Variants in KIF13A observed in about 807,000 individuals in gnomAD.
The protein encoded by KIF13A is kinesin-like protein KIF13A.
In KIF13A, 79 loss-of-function variants were observed where a neutral mutation model predicts 212.2. That is an observed-to-expected ratio of 0.37 (90% CI 0.31 to 0.45). The LOEUF (loss-of-function observed/expected upper bound fraction) is 0.45, where lower values mean the gene tolerates loss of function less well. Among genes scored for constraint, KIF13A ranks in the 20% least tolerant of loss-of-function variants. The pLI, the probability that KIF13A is intolerant of heterozygous loss-of-function variation, is 1.00. For synonymous variants in KIF13A, 789 were observed against 808.6 expected (o/e 0.98, Z 0.41); for missense variants, 1,901 against 2,209.0 (o/e 0.86, Z 2.79).
In KIF13A at chr6:17,956,430, C is replaced by T. The variant is rs149339383; in HGVS notation, c.146+30624G>A. The stretch of plus-strand genomic sequence containing the variant: ...GTCCTCCCTGATTAGCAGTCTTGTC[C>T]ATCATCTACTTTGTGCCTAGCACTG... On this transcript the variant is annotated intron_variant, in intron 2 of 38. Coordinates refer to ENST00000259711, the MANE Select transcript of KIF13A (RefSeq NM_022113.6). Among the ~76,000 whole-genome samples the T allele has an allele frequency of 2.6e-5, 4 of 152,308 alleles. No homozygotes were observed. The East Asian group carries it at 7.7e-4, about 29-fold the overall frequency.
Position 17,834,731 on chromosome 6 carries a change from AAAGT to A in KIF13A, c.1156-664_1156-661del, listed in dbSNP as rs1476430974. 2.0e-5 allele frequency among the ~76,000 whole-genome samples: 3 copies of A among 152,320 alleles called. No individual in the cohort carries two copies. In the East Asian group the frequency reaches 5.8e-4, roughly 29 times the overall value. ...TGTCAATAATATGCTTTGACACCTT[AAAGT>A]AACATGAGCCTCTACAAAGTTAAAA... is the stretch of plus-strand genomic sequence containing the variant. On this transcript the variant is annotated intron_variant, in intron 11 of 38. Coordinates refer to ENST00000259711, the MANE Select transcript of KIF13A (RefSeq NM_022113.6). This position sits in a 1 kb window ranked among gnomAD's most constrained non-coding sequence, Gnocchi z 4.0.
intron 38 of KIF13A, among the ~76,000 whole-genome samples, chr6:17,767,996 G>C (rs1759162965): frequency 6.6e-6 from 1 of 152,128 alleles, no homozygotes; most frequent in Non-Finnish European, 1.5e-5. Flanking sequence ...AGCCCAGAGG[G>C]AAAGACTAAA....
At chr6:17,870,759 C>G (rs1480641673) in intron 4 of KIF13A, among the ~76,000 whole-genome samples, 1 of 150,900 alleles carries the variant, frequency 6.6e-6, no homozygotes, top group Non-Finnish European at 1.5e-5. Context: ...TTAATCTTAA[C>G]TTTGCAGCTG....
chr6:17,834,278 T>C lies in KIF13A; in HGVS notation c.1156-207A>G, dbSNP rs901944189. Among the ~76,000 whole-genome samples the C allele has an allele frequency of 2.6e-5, 4 of 152,238 alleles. No homozygotes were observed. Among genetic ancestry groups the C allele is most frequent in the African/African-American group, 9.6e-5 (4 of 41,470 alleles). ...CCCTGAAAAAGAAATACCAGTGTCC[T>C]GAATGAAAATGAAACAAATCATTAG... is the stretch of plus-strand genomic sequence containing the variant. On this transcript the variant is annotated intron_variant, in intron 11 of 38. Coordinates refer to ENST00000259711, the MANE Select transcript of KIF13A (RefSeq NM_022113.6). The surrounding 1 kb of genome is among the most constrained non-coding windows in gnomAD (Gnocchi z 4.0).
rs1016206838 is a variant in KIF13A at position 17,898,747 on chromosome 6, C to T, written c.147-567G>A. 3.9e-5 allele frequency among the ~76,000 whole-genome samples: 6 copies of T among 152,122 alleles called. No homozygotes were observed. The highest frequency in any genetic ancestry group is 4.1e-4 in the South Asian group (2 of 4,824). Reference sequence around the variant, plus strand: ...TTTTTTCCCCACCATCAGCCACACACGCACTTGTTAAAACGTTTGTTTTAC... The same window carrying T: ...TTTTTTCCCCACCATCAGCCACACATGCACTTGTTAAAACGTTTGTTTTAC... On this transcript the variant is annotated intron_variant, in intron 2 of 38. Transcript: ENST00000259711. The surrounding 1 kb of genome is among the most constrained non-coding windows in gnomAD (Gnocchi z 5.2).
intron 2 of KIF13A, among the ~76,000 whole-genome samples, chr6:17,905,138 AT>A (rs1052032806): frequency 3.2e-4 from 48 of 152,254 alleles, no homozygotes; most frequent in Non-Finnish European, 6.0e-4. Flanking sequence ...TTTAAAAAAA[AT>A]TTTTTTAAGC....
At chr6:17,824,777 A>C (rs1309186195) in intron 16 of KIF13A, among the ~76,000 whole-genome samples, 3 of 147,846 alleles carry the variant, frequency 2.0e-5, no homozygotes, top group East Asian at 2.0e-4. Flanking sequence ...AAAAAAAAAA[A>C]AAACAAAACA....
At chr6:17,960,376 T>C (rs538630484) in intron 2 of KIF13A, among the ~76,000 whole-genome samples, 54 of 152,288 alleles carry the variant, frequency 3.5e-4, no homozygotes, top group African/African-American at 1.2e-3. Context: ...ACTTAACAAA[T>C]GAATTATAAC....
At chr6:17,824,735 T>G (rs1295815410) in intron 16 of KIF13A, among the ~76,000 whole-genome samples, 1 of 121,556 alleles carries the variant, frequency 8.2e-6, no homozygotes, top group Non-Finnish European at 1.6e-5. Context: ...CACTCCAGCC[T>G]GGGCGACAGA....
intron 12 of KIF13A, among the ~76,000 whole-genome samples, chr6:17,833,643 G>A (rs1478920162): frequency 6.6e-6 from 1 of 151,884 alleles, no homozygotes; most frequent in African/African-American, 2.4e-5. Context: ...ATCACCTGAG[G>A]TCAGGAGTTT....
intron 2 of KIF13A, among the ~76,000 whole-genome samples, chr6:17,933,404 ATTT>A (rs11377627): frequency 3.5e-5 from 4 of 114,604 alleles, no homozygotes; most frequent in African/African-American, 9.8e-5. Flanking sequence ...CACCCAGCTC[ATTT>A]TTTTTTTTTT....
chr6:17,780,758 C>T lies in KIF13A; in HGVS notation c.3818G>A (p.Arg1273Gln), dbSNP rs1187113656. ...TTTGTTGTAAATATTGGCTGCAATT[C>T]GTTTTCGTAATACTAACTCCATAGC... ...PAAMELVLRK[R>Q]IAANIYNKQS... The change falls in exon 31 of 39, where the codon CGA (arginine) becomes CAA (glutamine). Residue 1273 changes from arginine (R) to glutamine (Q), a missense_variant. Arg to Gln is a conservative substitution (Grantham distance 43). Coordinates refer to ENST00000259711, the MANE Select transcript of KIF13A (RefSeq NM_022113.6). 6.2e-6 allele frequency: 10 copies of T among 1,613,848 alleles called. No homozygotes were observed. Among genetic ancestry groups the T allele is most frequent in the Non-Finnish European group, 6.8e-6 (8 of 1,179,872 alleles).
Position 17,809,065 on chromosome 6 carries a change from T to A in KIF13A, c.2001-135A>T. ...TTTCAAACTATTTTACCAGACTACC[T>A]CTCATCCTTCCCTCCTGCCCACAGA... On this transcript the variant is annotated intron_variant, in intron 17 of 38. Transcript: ENST00000259711. The surrounding 1 kb of genome is among the most constrained non-coding windows in gnomAD (Gnocchi z 4.7). The A allele has an allele frequency of 1.3e-6, 1 of 795,048 alleles. No homozygotes were observed. The highest frequency in any genetic ancestry group is 2.8e-5 in the East Asian group (1 of 35,420). The allele number at this position is 795,048 out of a possible 1,614,324, so 49.2% of individuals were successfully genotyped here. A position where few individuals can be genotyped will look rare whatever the true frequency, so the allele number is the denominator to read the frequency against.
At chr6:17,765,734 C>T (rs546892048) in intron 38 of KIF13A, among the ~76,000 whole-genome samples, 1 of 152,252 alleles carries the variant, frequency 6.6e-6, no homozygotes, top group South Asian at 2.1e-4. Context: ...AGTCTCTCTC[C>T]AAATGAATGA....
chr6:17,825,755 G>C lies in KIF13A; in HGVS notation c.1786+13C>G, dbSNP rs765801756. ...AATGCCCAAGGCGCTGGAACACAGA[G>C]TGAGGGTCTTACCATTACTATTCAG... On this transcript the variant is annotated intron_variant, in intron 16 of 38. Transcript: ENST00000259711. The surrounding 1 kb of genome is among the most constrained non-coding windows in gnomAD (Gnocchi z 4.5). 3.1e-6 allele frequency: 5 copies of C among 1,609,710 alleles called. No individual in the cohort carries two copies. The highest frequency in any genetic ancestry group is 4.2e-6 in the Non-Finnish European group (5 of 1,177,656).
At position 17,794,576 on chromosome 6, in the gene KIF13A, C is replaced by T. The variant is rs376231863; in HGVS notation, c.3071G>A (p.Arg1024Lys). 1.2e-6 allele frequency: 2 copies of T among 1,606,990 alleles called. No individual in the cohort carries two copies. Among genetic ancestry groups the T allele is most frequent in the African/African-American group, 2.7e-5 (2 of 74,504 alleles). The change falls in exon 24 of 39, where the codon AGA (arginine) becomes AAA (lysine). Residue 1024 changes from arginine to lysine, a missense_variant. Around this residue, in one of 5 missense-constraint regions of KIF13A, gnomAD observed 168 missense variants for 250.9 expected, o/e 0.67. Transcript: ENST00000259711. The surrounding 1 kb of genome is among the most constrained non-coding windows in gnomAD (Gnocchi z 4.1). ...AACCCAAAACAAACTCAGTACCTGTCTAAGTTGAAAGATGCCTCCTGTGTT... is the reference window on the plus strand; with the variant it reads ...AACCCAAAACAAACTCAGTACCTGTTTAAGTTGAAAGATGCCTCCTGTGTT... ...DVNTGGIFQL[R>K]QGHSRRVQVT...
chr6:17,845,915 TTG>T (rs1315336478), intron 9 of KIF13A, among the ~76,000 whole-genome samples: 1 of 152,178 alleles, frequency 6.6e-6, no homozygotes, highest in African/African-American at 2.4e-5. Context: ...ACACTGACGT[TTG>T]TGTGAAGTCC....
downstream of KIF13A, among the ~76,000 whole-genome samples, chr6:17,763,220 C>A (rs1391338800): frequency 1.3e-5 from 2 of 152,128 alleles, no homozygotes. Context: ...CACAGTGGCT[C>A]ATGCCTATAA....
chr6:17,852,033 C>G lies in KIF13A; in HGVS notation c.504G>C (p.Gln168His). 9 of 1,506,194 alleles carry G rather than the reference C, an allele frequency of 6.0e-6. No individual in the cohort carries two copies. Among genetic ancestry groups the G allele is most frequent in the Non-Finnish European group, 6.2e-6 (7 of 1,128,094 alleles). The allele number at this position is 1,506,194 out of a possible 1,614,324, so 93.3% of individuals were successfully genotyped here. A position where few individuals can be genotyped will look rare whatever the true frequency, so the allele number is the denominator to read the frequency against. ...RDLLDPKGSR[Q>H]SLKVREHKVL... The stretch of plus-strand genomic sequence containing the variant: ...CTTTATGTTCTCGAACTTTAAGAGA[C>G]TGTCTACTCCTGCGGGAGGGAGGAA... Residue 168 changes from glutamine to histidine, a missense_variant, in exon 7 of 39, where the codon CAG (glutamine) becomes CAC (histidine). By Grantham distance (24) the Gln-to-His change is conservative. Coordinates refer to ENST00000259711, the MANE Select transcript of KIF13A (RefSeq NM_022113.6).
Sources: gnomAD v4.1 joint callset for allele counts (sites outside exome capture counted in the v4.1 genomes callset) on GRCh38, gnomAD v4.1.1 for gene constraint, gnomAD v4.1.1 regional missense constraint, Gnocchi (gnomAD v3.1) non-coding constraint, MANE v1.5 for transcripts, NCBI Gene and HGNC (gene_info 2026-07-23, HGNC 2026-07-21) for gene names.